The following FARS2 variants were observed in gnomAD, a reference collection of about 807,000 sequenced individuals.
FARS2 encodes phenylalanyl-tRNA synthetase 2, mitochondrial.
FARS2 carries 40 observed loss-of-function variants against 46.4 expected under a neutral mutation model. The observed-to-expected ratio is 0.86, with a 90% CI of 0.67 to 1.12. The LOEUF is 1.12. Among genes scored for constraint, FARS2 ranks in the 50% most tolerant of loss-of-function variants. FARS2 has a pLI of 0.00. For missense variants in FARS2, 513 were observed against 567.9 expected (o/e 0.90, Z 0.98); for synonymous variants, 234 against 214.9 (o/e 1.09, Z -0.78).
chr6:5,481,034 A>G (rs1227688296), intron 4 of FARS2, among the ~76,000 whole-genome samples: 3 of 152,248 alleles, frequency 2.0e-5, no homozygotes, highest in African/African-American at 7.2e-5. Context: ...CAGTCTTTGC[A>G]GTTAGCCTGC....
At chr6:5,285,991 C>G (rs1283949272) in intron 1 of FARS2, among the ~76,000 whole-genome samples, 1 of 152,196 alleles carries the variant, frequency 6.6e-6, no homozygotes, top group Non-Finnish European at 1.5e-5. Flanking sequence ...TAGAACACTT[C>G]CTCTGTTTGC....
At chr6:5,709,610 C>G (rs1322063983) in intron 6 of FARS2, among the ~76,000 whole-genome samples, 2 of 151,146 alleles carry the variant, frequency 1.3e-5, no homozygotes, top group Admixed American at 6.6e-5. Flanking sequence ...TTCTTAAGAT[C>G]GGAAGACAAT....
intron 2 of FARS2, among the ~76,000 whole-genome samples, chr6:5,403,060 A>G (rs1002497153): frequency 1.3e-5 from 2 of 152,142 alleles, no homozygotes; most frequent in African/African-American, 4.8e-5. Context: ...ATTGTGTTCA[A>G]TAGTTTTATT....
At chr6:5,621,805 A>G (rs1304285333) in intron 6 of FARS2, among the ~76,000 whole-genome samples, 1 of 152,230 alleles carries the variant, frequency 6.6e-6, no homozygotes, top group Non-Finnish European at 1.5e-5. Flanking sequence ...ATACACCTGA[A>G]TCAAAACTGG....
chr6:5,459,196 T>A (rs184202844), intron 4 of FARS2, among the ~76,000 whole-genome samples: 2 of 152,282 alleles, frequency 1.3e-5, no homozygotes, highest in East Asian at 3.9e-4. Context: ...AACAAATTAG[T>A]TTAACATATT....
intron 5 of FARS2, among the ~76,000 whole-genome samples, chr6:5,557,358 C>T (rs1053360832): frequency 6.6e-6 from 1 of 152,254 alleles, no homozygotes; most frequent in East Asian, 1.9e-4. Context: ...GACGGGACCA[C>T]AAGCATTACC....
At chr6:5,454,711 A>T (rs1054683046) in intron 4 of FARS2, among the ~76,000 whole-genome samples, 3 of 152,102 alleles carry the variant, frequency 2.0e-5, no homozygotes, top group African/African-American at 7.2e-5. Context: ...TAATCTTTGG[A>T]TTCTCATTGC....
intron 2 of FARS2, among the ~76,000 whole-genome samples, chr6:5,374,091 T>G (rs1256153591): frequency 6.6e-6 from 1 of 152,152 alleles, no homozygotes. Context: ...AACGATCTGA[T>G]GTCTGTGATG....
At chr6:5,344,718 G>T (rs1200973249) in intron 1 of FARS2, among the ~76,000 whole-genome samples, 2 of 151,996 alleles carry the variant, frequency 1.3e-5, no homozygotes, top group Non-Finnish European at 2.9e-5. Flanking sequence ...GTTAGATCTG[G>T]ATTTCTGATG....
At chr6:5,532,625 C>T (rs9392691) in intron 4 of FARS2, among the ~76,000 whole-genome samples, 17,971 of 152,136 alleles carry the variant, frequency 0.12, 1,160 homozygotes, top group East Asian at 0.22. Flanking sequence ...GTGATGGGCA[C>T]CTGTAATCCC....
chr6:5,410,382 G>A (rs544686323), intron 3 of FARS2, among the ~76,000 whole-genome samples: 27 of 151,672 alleles, frequency 1.8e-4, no homozygotes, highest in African/African-American at 5.6e-4. Context: ...CACTGGTCTC[G>A]AACTCCTGAC....
chr6:5,516,685 C>T (rs943111815), intron 4 of FARS2, among the ~76,000 whole-genome samples: 2 of 152,212 alleles, frequency 1.3e-5, no homozygotes, highest in African/African-American at 4.8e-5. Context: ...TTATTCAACT[C>T]AAGCTCTGAC....
chr6:5,705,021 A>G (rs1413280410), intron 6 of FARS2, among the ~76,000 whole-genome samples: 1 of 152,202 alleles, frequency 6.6e-6, no homozygotes, highest in Non-Finnish European at 1.5e-5. Flanking sequence ...AATTATTATT[A>G]TTAATATAAA....
chr6:5,265,534 C>T (rs1329538749), intron 1 of FARS2, among the ~76,000 whole-genome samples: 3 of 152,188 alleles, frequency 2.0e-5, no homozygotes, highest in Non-Finnish European at 4.4e-5. Context: ...TGTTTCAAAT[C>T]ATGACTTTGA....
intron 1 of FARS2, among the ~76,000 whole-genome samples, chr6:5,275,282 G>A (rs1166886712): frequency 6.6e-6 from 1 of 152,102 alleles, no homozygotes; most frequent in Non-Finnish European, 1.5e-5. Context: ...CTCCAGTCAT[G>A]ACTACTCAGC....
intron 4 of FARS2, among the ~76,000 whole-genome samples, chr6:5,517,043 A>T (rs1193909204): frequency 6.6e-6 from 1 of 152,272 alleles, no homozygotes; most frequent in African/African-American, 2.4e-5. Context: ...CCTGGGAGGT[A>T]CTGTGGTGGT....
intron 2 of FARS2, among the ~76,000 whole-genome samples, chr6:5,393,617 A>G (rs998390440): frequency 3.3e-5 from 5 of 152,148 alleles, no homozygotes; most frequent in Non-Finnish European, 7.3e-5. Context: ...AGATCTTGCC[A>G]TTGCACTCCA....
chr6:5,605,561 T>G (rs13214107), intron 5 of FARS2, among the ~76,000 whole-genome samples: 61,236 of 152,086 alleles, frequency 0.4, 15,192 homozygotes, highest in Middle Eastern at 0.59. Flanking sequence ...AGAGGAACCA[T>G]AAAAACCTCT....
At chr6:5,501,436 C>A (rs1292360659) in intron 4 of FARS2, among the ~76,000 whole-genome samples, 6 of 152,132 alleles carry the variant, frequency 3.9e-5, no homozygotes, top group Non-Finnish European at 5.9e-5. Context: ...CAGTTAGTGC[C>A]TTTAACCTTC....
Sources: allele counts gnomAD v4.1 joint callset (sites outside exome capture counted in the v4.1 genomes callset), GRCh38; gene constraint gnomAD v4.1.1; transcripts MANE v1.5; gene names NCBI Gene and HGNC (gene_info 2026-07-23, HGNC 2026-07-21).